FANCC: variants seen among roughly 807,000 people sequenced by gnomAD.
The protein encoded by FANCC is Fanconi anemia group C protein.
FANCC carries 55 observed loss-of-function variants against 71.3 expected under a neutral mutation model. The ratio of observed to expected loss-of-function variants is 0.77; its 90% CI spans 0.62 to 0.97. The LOEUF is 0.97. Among genes scored for constraint, FANCC ranks in the 50% least tolerant of loss-of-function variants. FANCC has a pLI of 0.00. For missense variants in FANCC, 678 were observed against 670.9 expected, an observed-to-expected ratio of 1.01 and a Z score of -0.12; for synonymous variants, 275 against 244.9, an observed-to-expected ratio of 1.12 and a Z score of -1.15.
chr9:95,113,647 C>T (rs1187763424), intron 12 of FANCC: 3 of 148,776 alleles, frequency 2.0e-5, no homozygotes, highest in South Asian at 2.1e-4. Context: ...TTTTTGGAGA[C>T]GGAGTCTTAC....
At chr9:95,185,050 T>TA (rs1826627558) in intron 4 of FANCC, among the ~76,000 whole-genome samples, 1 of 152,262 alleles carries the variant, frequency 6.6e-6, no homozygotes, top group Admixed American at 6.5e-5. Context: ...TCTGAAATGA[T>TA]AAAGAATTTC....
intron 1 of FANCC, among the ~76,000 whole-genome samples, chr9:95,256,081 G>C (rs1264180000): frequency 6.6e-6 from 1 of 152,144 alleles, no homozygotes; most frequent in Non-Finnish European, 1.5e-5. Flanking sequence ...GTACCTGAAA[G>C]TGACAAGGAG....
chr9:95,168,250 G>C (rs1227243119), intron 6 of FANCC, among the ~76,000 whole-genome samples: 18 of 152,112 alleles, frequency 1.2e-4, no homozygotes, highest in South Asian at 2.1e-4. Flanking sequence ...GTAGGCCCCT[G>C]AGAAGCCAGA....
intron 6 of FANCC, among the ~76,000 whole-genome samples, chr9:95,160,453 A>G (rs1165329871): frequency 1.3e-5 from 2 of 152,208 alleles, no homozygotes; most frequent in Non-Finnish European, 1.5e-5. Flanking sequence ...GTTTGAAGTC[A>G]GGTAGCATGA....
At chr9:95,212,957 T>C (rs371080833) in intron 4 of FANCC, among the ~76,000 whole-genome samples, 76 of 152,298 alleles carry the variant, frequency 5.0e-4, no homozygotes, top group African/African-American at 1.7e-3. Context: ...CCCAACACAG[T>C]AGCCACTGAC....
chr9:95,119,365 CTTT>C (rs34433881), intron 10 of FANCC, among the ~76,000 whole-genome samples: 27 of 141,212 alleles, frequency 1.9e-4, no homozygotes, highest in African/African-American at 1.6e-4. Flanking sequence ...TCTTCCTTTT[CTTT>C]TTTTTTTTTT....
At chr9:95,125,772 C>G (rs1825886016) in intron 9 of FANCC, among the ~76,000 whole-genome samples, 1 of 152,226 alleles carries the variant, frequency 6.6e-6, no homozygotes, top group Non-Finnish European at 1.5e-5. Context: ...AGTCTGCAGT[C>G]TGCCCTGCAG....
chr9:95,215,095 C>T (rs764082666), intron 4 of FANCC, among the ~76,000 whole-genome samples: 39 of 152,044 alleles, frequency 2.6e-4, no homozygotes, highest in African/African-American at 5.6e-4. Context: ...GAGTTCCAAA[C>T]TAGCAGTAAT....
intron 14 of FANCC, among the ~76,000 whole-genome samples, chr9:95,105,948 C>T (rs181389386): frequency 6.6e-6 from 1 of 152,360 alleles, no homozygotes; most frequent in African/African-American, 2.4e-5. Flanking sequence ...GCCAGATGGC[C>T]CTCCAGCCCC....
At chr9:95,240,513 C>A in intron 4 of FANCC, 136 bp downstream of exon 4, 1 of 651,982 alleles carries the variant, frequency 1.5e-6, no homozygotes, top group Admixed American at 2.7e-5. Flanking sequence ...GATAATGTAA[C>A]AGTGAAGGGT....
intron 1 of FANCC, among the ~76,000 whole-genome samples, chr9:95,275,419 C>T (rs1832978618): frequency 1.3e-5 from 2 of 152,136 alleles, no homozygotes; most frequent in South Asian, 4.1e-4. Flanking sequence ...ACTATAATAG[C>T]GGACACATGT....
chr9:95,138,369 G>A (rs1307389709), intron 7 of FANCC, among the ~76,000 whole-genome samples: 2 of 152,198 alleles, frequency 1.3e-5, no homozygotes, highest in African/African-American at 4.8e-5. Flanking sequence ...TTTCCATCCA[G>A]GTGGTCAGCC....
chr9:95,221,437 C>T (rs546277736), intron 4 of FANCC, among the ~76,000 whole-genome samples: 4 of 151,560 alleles, frequency 2.6e-5, no homozygotes, highest in African/African-American at 9.7e-5. Flanking sequence ...TTGACATAGG[C>T]AAAAATTTTT....
chr9:95,181,722 T>C (rs569619222), intron 4 of FANCC, among the ~76,000 whole-genome samples: 52 of 152,220 alleles, frequency 3.4e-4, no homozygotes, highest in Non-Finnish European at 6.8e-4. Context: ...ATAAAATCTT[T>C]CATGAGTAGA....
intron 1 of FANCC, among the ~76,000 whole-genome samples, chr9:95,282,851 T>G (rs1452511512): frequency 6.6e-6 from 1 of 152,118 alleles, no homozygotes; most frequent in African/African-American, 2.4e-5. Flanking sequence ...TGAATAAATT[T>G]AAAGAGAAAT....
intron 6 of FANCC, among the ~76,000 whole-genome samples, chr9:95,155,418 GTTC>G (rs1830421203): frequency 6.6e-6 from 1 of 150,874 alleles, no homozygotes; most frequent in South Asian, 2.1e-4. Context: ...CCTGCCTCAG[GTTC>G]TTATTTCCAA....
chr9:95,249,384 A>G lies in FANCC; in HGVS notation c.-78-15T>C, dbSNP rs1831191999. On this transcript the variant is annotated splice_polypyrimidine_tract_variant and intron_variant, in intron 1 of 14. Transcript: ENST00000289081. ...ACACATTAAATCTGTAAGAAAGGGA[A>G]CAAATAGAAGCATTTCTAAAAGGCT... is the stretch of plus-strand genomic sequence containing the variant. 7.8e-7 allele frequency: 1 copy of G among 1,281,036 alleles called. No homozygotes were observed. The allele number at this position is 1,281,036 out of a possible 1,614,324, so 79.4% of individuals were successfully genotyped here.
intron 1 of FANCC, among the ~76,000 whole-genome samples, chr9:95,263,317 G>GT (rs1832165479): frequency 6.6e-6 from 1 of 151,936 alleles, no homozygotes; most frequent in South Asian, 2.1e-4. Context: ...TTTTGTCCAG[G>GT]AATCTCAAGG....
chr9:95,254,207 A>C (rs1409192319), intron 1 of FANCC, among the ~76,000 whole-genome samples: 1 of 152,250 alleles, frequency 6.6e-6, no homozygotes, highest in Admixed American at 6.5e-5. Flanking sequence ...AACTCACCAA[A>C]GTATAAATCG....
Sources: gnomAD v4.1 joint callset for allele counts (sites outside exome capture counted in the v4.1 genomes callset) on GRCh38, gnomAD v4.1.1 for gene constraint, MANE v1.5 for transcripts, NCBI Gene and HGNC (gene_info 2026-07-23, HGNC 2026-07-21) for gene names.